The following DYM variants were observed in gnomAD, a reference collection of about 807,000 sequenced individuals.
The protein encoded by DYM is dyggve-Melchior-Clausen syndrome protein.
In DYM, 78 loss-of-function variants were observed where a neutral mutation model predicts 93.1. The ratio of observed to expected loss-of-function variants is 0.84; its 90% CI spans 0.70 to 1.01. The LOEUF (loss-of-function observed/expected upper bound fraction) is 1.01. Among genes scored for constraint, DYM ranks in the 50% least tolerant of loss-of-function variants. DYM has a pLI of 0.00. For synonymous variants in DYM, 321 were observed against 319.7 expected (o/e 1.00, Z -0.04); for missense variants, 789 against 845.0 (o/e 0.93, Z 0.82).
chr18:49,336,150 T>C (rs143533824), intron 6 of DYM, among the ~76,000 whole-genome samples: 217 of 152,284 alleles, frequency 1.4e-3, no homozygotes, highest in Non-Finnish European at 2.5e-3. Context: ...TAATAAAGAA[T>C]CAGCTGTGGT....
At chr18:49,215,714 T>C (rs963305277) in intron 13 of DYM, among the ~76,000 whole-genome samples, 6 of 152,132 alleles carry the variant, frequency 3.9e-5, no homozygotes, top group Non-Finnish European at 7.4e-5. Context: ...AACTGAAAAC[T>C]AAAACAAATT....
At chr18:49,310,368 T>A (rs1288091784) in intron 8 of DYM, among the ~76,000 whole-genome samples, 3 of 152,184 alleles carry the variant, frequency 2.0e-5, no homozygotes, top group Non-Finnish European at 4.4e-5. Flanking sequence ...AACTTGAAAA[T>A]GTTACTTTAA....
chr18:49,111,607 C>T (rs564388687), intron 16 of DYM, among the ~76,000 whole-genome samples: 9 of 152,300 alleles, frequency 5.9e-5, no homozygotes, highest in Admixed American at 3.3e-4. Flanking sequence ...CAGTGTACCA[C>T]ATCCTCTAAT....
At chr18:49,333,313 G>T (rs770797900) in intron 7 of DYM, among the ~76,000 whole-genome samples, 38 of 152,196 alleles carry the variant, frequency 2.5e-4, no homozygotes, top group Non-Finnish European at 4.3e-4. Flanking sequence ...AATAGTCAGC[G>T]AAGAGGCTGC....
intron 15 of DYM, among the ~76,000 whole-genome samples, chr18:49,135,087 A>G (rs1397871180): frequency 2.0e-5 from 3 of 152,176 alleles, no homozygotes; most frequent in Admixed American, 6.5e-5. Flanking sequence ...CAGCCTGGGC[A>G]ACAAGAGCAA....
intron 15 of DYM, among the ~76,000 whole-genome samples, chr18:49,137,178 G>A (rs1202408556): frequency 6.6e-6 from 1 of 152,128 alleles, no homozygotes; most frequent in Non-Finnish European, 1.5e-5. Flanking sequence ...GTGACAAGTA[G>A]ACATTTCCTT....
chr18:49,221,714 C>T (rs2093365512), intron 13 of DYM, among the ~76,000 whole-genome samples: 1 of 151,874 alleles, frequency 6.6e-6, no homozygotes, highest in Non-Finnish European at 1.5e-5. Context: ...AATGAGAACA[C>T]ATGGACACAG....
intron 5 of DYM, among the ~76,000 whole-genome samples, chr18:49,373,490 G>A (rs1035544638): frequency 1.3e-5 from 2 of 152,140 alleles, no homozygotes; most frequent in Non-Finnish European, 2.9e-5. Flanking sequence ...AGGATGACCA[G>A]AGGTCACTCT....
At chr18:49,082,738 C>T (rs117697786) in intron 17 of DYM, among the ~76,000 whole-genome samples, 240 of 152,270 alleles carry the variant, frequency 1.6e-3, no homozygotes, top group Non-Finnish European at 3.0e-3. Context: ...TGGCCAAATA[C>T]AGACAGTTTT....
intron 1 of DYM, among the ~76,000 whole-genome samples, chr18:49,446,620 C>A (rs1251161131): frequency 6.6e-6 from 1 of 152,162 alleles, no homozygotes; most frequent in Non-Finnish European, 1.5e-5. Context: ...TGAGTGCCCA[C>A]TATGTGGCCA....
At chr18:49,433,234 T>C (rs973637019) in intron 1 of DYM, among the ~76,000 whole-genome samples, 1 of 152,220 alleles carries the variant, frequency 6.6e-6, no homozygotes, top group Non-Finnish European at 1.5e-5. Context: ...TGTGGAATGT[T>C]ACAATACTGT....
intron 10 of DYM, among the ~76,000 whole-genome samples, chr18:49,281,625 A>G (rs1012325314): frequency 1.3e-5 from 2 of 152,202 alleles, no homozygotes; most frequent in Non-Finnish European, 2.9e-5. Context: ...ATGCAGCCAT[A>G]AAAAAGGATG....
intron 13 of DYM, among the ~76,000 whole-genome samples, chr18:49,228,668 A>T (rs1175140163): frequency 6.6e-6 from 1 of 152,162 alleles, no homozygotes; most frequent in Non-Finnish European, 1.5e-5. Flanking sequence ...AAAATCCGCA[A>T]TACTTCTACC....
In DYM at chr18:49,434,116, C is replaced by T. The variant is rs573574059; in HGVS notation, c.-53-3669G>A. On this transcript the variant is annotated intron_variant, in intron 1 of 17. Transcript: ENST00000675505. ...ATCCCAACACTTTGGGAGGCCAAGA[C>T]GGGCAGACCGTGAGGTCAGGAGATC... 2.2e-4 allele frequency among the ~76,000 whole-genome samples: 34 copies of T among 152,096 alleles called. 1 individual carries two copies. The highest frequency in any genetic ancestry group is 7.5e-4 in the African/African-American group (31 of 41,500).
chr18:49,239,782 G>C (rs2093968776), intron 13 of DYM, among the ~76,000 whole-genome samples: 1 of 152,358 alleles, frequency 6.6e-6, no homozygotes, highest in African/African-American at 2.4e-5. Context: ...CACAAGTAGA[G>C]AATCAGTTAG....
At chr18:49,182,170 G>A (rs2089989361) in intron 14 of DYM, among the ~76,000 whole-genome samples, 1 of 152,100 alleles carries the variant, frequency 6.6e-6, no homozygotes, top group African/African-American at 2.4e-5. Context: ...AACTTTCCAT[G>A]ACTTGAATCT....
intron 13 of DYM, 57 bp from the exon 14 acceptor site, chr18:49,209,772 A>C: frequency 8.9e-7 from 1 of 1,123,422 alleles, no homozygotes; most frequent in Non-Finnish European, 1.1e-6. Flanking sequence ...CCTTTGAAAA[A>C]ATAAATCATT....
chr18:49,195,248 ATTAAG>A (rs2145767642), intron 14 of DYM, among the ~76,000 whole-genome samples: 1 of 152,266 alleles, frequency 6.6e-6, no homozygotes, highest in Non-Finnish European at 1.5e-5. Flanking sequence ...TTACTTTAAA[ATTAAG>A]TTTTCTCCTT....
intron 14 of DYM, among the ~76,000 whole-genome samples, chr18:49,173,743 G>A (rs1295261436): frequency 6.6e-6 from 1 of 151,968 alleles, no homozygotes; most frequent in African/African-American, 2.4e-5. Context: ...GATTCATTAG[G>A]ACTTTTAAAA....
Sources: gnomAD v4.1 joint callset for allele counts (sites outside exome capture counted in the v4.1 genomes callset) on GRCh38, gnomAD v4.1.1 for gene constraint, MANE v1.5 for transcripts, NCBI Gene and HGNC (gene_info 2026-07-23, HGNC 2026-07-21) for gene names.